The following TSPAN5 variants were observed in gnomAD, a reference collection of about 807,000 sequenced individuals.
The protein encoded by TSPAN5 is tetraspanin-5.
A neutral mutation model predicts 37.1 loss-of-function variants in TSPAN5; 10 were observed. That is an observed-to-expected ratio of 0.27 (90% CI 0.17 to 0.46). TSPAN5 has a LOEUF of 0.46. TSPAN5 is among the 20% of genes least tolerant of loss of function. TSPAN5 has a pLI of 1.00. For missense variants in TSPAN5, 195 were observed against 326.6 expected, an observed-to-expected ratio of 0.60 and a Z score of 3.11; for synonymous variants, 110 against 118.9, an observed-to-expected ratio of 0.93 and a Z score of 0.48.
intron 2 of TSPAN5, among the ~76,000 whole-genome samples, chr4:98,501,382 T>G (rs1342309387): frequency 6.6e-6 from 1 of 152,234 alleles, no homozygotes; most frequent in Non-Finnish European, 1.5e-5. Context: ...GCTCATTTGC[T>G]CATTCATTCT....
intron 1 of TSPAN5, among the ~76,000 whole-genome samples, chr4:98,539,408 C>T (rs1754311309): frequency 6.6e-6 from 1 of 152,146 alleles, no homozygotes; most frequent in Non-Finnish European, 1.5e-5. Flanking sequence ...GACCAAGGCG[C>T]ATCCACATGC....
intron 1 of TSPAN5, chr4:98,657,813 G>C (rs1381793749): frequency 1.8e-5 from 6 of 339,878 alleles, no homozygotes; most frequent in South Asian, 1.4e-4. Context: ...ATCCCACCGA[G>C]AGCAAATCCA....
chr4:98,541,090 A>G (rs2110141186), intron 1 of TSPAN5, among the ~76,000 whole-genome samples: 1 of 152,264 alleles, frequency 6.6e-6, no homozygotes, highest in East Asian at 1.9e-4. Context: ...CAACTTCCTT[A>G]CCCATAAAAT....
At chr4:98,530,859 A>C (rs1754065485) in intron 1 of TSPAN5, among the ~76,000 whole-genome samples, 1 of 152,118 alleles carries the variant, frequency 6.6e-6, no homozygotes, top group Non-Finnish European at 1.5e-5. Context: ...CTCCTGCTTC[A>C]TCCTCCTGAG....
At chr4:98,607,923 C>T (rs988966066) in intron 1 of TSPAN5, among the ~76,000 whole-genome samples, 2 of 152,090 alleles carry the variant, frequency 1.3e-5, no homozygotes, top group African/African-American at 4.8e-5. Flanking sequence ...ATTGCCCAGG[C>T]TGGTCTCAAA....
At chr4:98,472,777 A>G (rs1752617259) in intron 7 of TSPAN5, among the ~76,000 whole-genome samples, 190 bp from the exon 8 acceptor site, 1 of 152,160 alleles carries the variant, frequency 6.6e-6, no homozygotes, top group Non-Finnish European at 1.5e-5. Flanking sequence ...AACTATCACC[A>G]CTATCTAATC....
chr4:98,536,320 T>C (rs1284328312), intron 1 of TSPAN5, among the ~76,000 whole-genome samples: 1 of 152,196 alleles, frequency 6.6e-6, no homozygotes, highest in Non-Finnish European at 1.5e-5. Context: ...TCAGCCCTGT[T>C]TGCCTGGGTA....
chr4:98,539,124 T>C (rs1394648664), intron 1 of TSPAN5, among the ~76,000 whole-genome samples: 2 of 143,168 alleles, frequency 1.4e-5, no homozygotes, highest in Non-Finnish European at 3.0e-5. Context: ...ACAAAATGCT[T>C]CTCCCCCTCA....
intron 1 of TSPAN5, among the ~76,000 whole-genome samples, chr4:98,515,023 A>C (rs1374678379): frequency 6.6e-6 from 1 of 152,230 alleles, no homozygotes; most frequent in Non-Finnish European, 1.5e-5. Context: ...AGAGGTCTTC[A>C]CTAAGAAAGT....
At chr4:98,496,229 G>C (rs2110274586) in intron 2 of TSPAN5, 1 of 152,328 alleles carries the variant, frequency 6.6e-6, no homozygotes, top group South Asian at 2.1e-4. Context: ...GGCCACAGAG[G>C]AACCTGCCCC....
intron 1 of TSPAN5, among the ~76,000 whole-genome samples, chr4:98,575,775 A>C (rs1408290633): frequency 1.6e-5 from 2 of 125,240 alleles, no homozygotes; most frequent in African/African-American, 5.5e-5. Context: ...ACCCCACAAA[A>C]AAAAAAAAAA....
intron 1 of TSPAN5, among the ~76,000 whole-genome samples, chr4:98,551,618 A>T (rs2110155627): frequency 6.6e-6 from 1 of 150,740 alleles, no homozygotes; most frequent in East Asian, 1.9e-4. Context: ...CAGCCTCCCA[A>T]GTAGCTAGGA....
At chr4:98,583,778 A>G (rs1366350554) in intron 1 of TSPAN5, among the ~76,000 whole-genome samples, 1 of 152,246 alleles carries the variant, frequency 6.6e-6, no homozygotes, top group Non-Finnish European at 1.5e-5. Context: ...ACAGGGTGAG[A>G]AAGAAGAATA....
At chr4:98,579,487 G>C (rs973276781) in intron 1 of TSPAN5, among the ~76,000 whole-genome samples, 1 of 152,032 alleles carries the variant, frequency 6.6e-6, no homozygotes, top group Non-Finnish European at 1.5e-5. Context: ...AAAAGAGAGA[G>C]AGAGCTGAGT....
chr4:98,642,441 C>T (rs1459831034), intron 1 of TSPAN5, among the ~76,000 whole-genome samples: 2 of 152,194 alleles, frequency 1.3e-5, no homozygotes, highest in Middle Eastern at 3.4e-3. Flanking sequence ...TTTTTTTCTG[C>T]TTATGTGTTA....
At chr4:98,548,670 C>T (rs1198975806) in intron 1 of TSPAN5, among the ~76,000 whole-genome samples, 4 of 152,112 alleles carry the variant, frequency 2.6e-5, no homozygotes, top group African/African-American at 9.7e-5. Flanking sequence ...CCTCACCTCC[C>T]TCCCATCCTC....
At chr4:98,500,626 TAA>T (rs1367219678) in intron 2 of TSPAN5, among the ~76,000 whole-genome samples, 1 of 152,230 alleles carries the variant, frequency 6.6e-6, no homozygotes, top group Non-Finnish European at 1.5e-5. Context: ...GTCATTCTCT[TAA>T]AGTTAACTTG....
chr4:98,566,706 G>A lies in TSPAN5; in HGVS notation c.82-58978C>T, dbSNP rs1383396996. On this transcript the variant is annotated intron_variant, in intron 1 of 7. Coordinates refer to ENST00000305798, the MANE Select transcript of TSPAN5 (RefSeq NM_005723.4). Reference sequence around the variant, plus strand: ...AAGCCTGGATGCTGTGGAGGAGGGCGGGTGGCATATATGCAGCTGAGCTTT... The same window carrying A: ...AAGCCTGGATGCTGTGGAGGAGGGCAGGTGGCATATATGCAGCTGAGCTTT... Among the ~76,000 whole-genome samples the A allele has an allele frequency of 4.6e-5, 7 of 152,158 alleles. No homozygotes were observed. The South Asian group carries it at 1.2e-3, about 27-fold the overall frequency.
At chr4:98,621,792 C>G (rs918143053) in intron 1 of TSPAN5, among the ~76,000 whole-genome samples, 1 of 151,152 alleles carries the variant, frequency 6.6e-6, no homozygotes, top group African/African-American at 2.4e-5. Context: ...ATTCCCACCC[C>G]CCCCGCAGCC....
Sources: allele counts gnomAD v4.1 joint callset (sites outside exome capture counted in the v4.1 genomes callset), GRCh38; gene constraint gnomAD v4.1.1; transcripts MANE v1.5; gene names NCBI Gene and HGNC (gene_info 2026-07-23, HGNC 2026-07-21).